Variants in PRKN observed in about 807,000 individuals in gnomAD.
PRKN encodes the protein E3 ubiquitin-protein ligase parkin.
In PRKN, 56 loss-of-function variants were observed where a neutral mutation model predicts 59.5. The ratio of observed to expected loss-of-function variants is 0.94; its 90% CI spans 0.76 to 1.18. PRKN has a LOEUF of 1.18. PRKN is among the 50% of genes most tolerant of loss of function. PRKN has a pLI of 0.00. For missense variants in PRKN, 657 were observed against 596.4 expected, an observed-to-expected ratio of 1.10 and a Z score of -1.06; for synonymous variants, 250 against 222.1, an observed-to-expected ratio of 1.13 and a Z score of -1.12.
intron 3 of PRKN, among the ~76,000 whole-genome samples, chr6:162,216,557 A>AG (rs1273386986): frequency 6.6e-6 from 1 of 150,960 alleles, no homozygotes; most frequent in Admixed American, 6.6e-5. Flanking sequence ...AAAAAAAAAA[A>AG]AAAAAAACCC....
chr6:162,413,328 T>C (rs1354150818), intron 2 of PRKN, among the ~76,000 whole-genome samples: 2 of 152,170 alleles, frequency 1.3e-5, no homozygotes, highest in Non-Finnish European at 2.9e-5. Context: ...TTTATGGAGC[T>C]ACAAGCATGA....
chr6:162,298,697 T>C (rs1781802460), intron 2 of PRKN, among the ~76,000 whole-genome samples: 1 of 144,474 alleles, frequency 6.9e-6, no homozygotes, highest in South Asian at 2.3e-4. Flanking sequence ...TTCACCTTGA[T>C]GAAAGCAGCA....
intron 6 of PRKN, among the ~76,000 whole-genome samples, chr6:161,789,552 G>C (rs1407462167): frequency 6.6e-6 from 1 of 152,128 alleles, no homozygotes; most frequent in Non-Finnish European, 1.5e-5. Context: ...CAAGACTAAA[G>C]ATCTCCAAGG....
chr6:162,126,446 C>T (rs1301303486), intron 4 of PRKN, among the ~76,000 whole-genome samples: 1 of 152,200 alleles, frequency 6.6e-6, no homozygotes, highest in Non-Finnish European at 1.5e-5. Flanking sequence ...AACCCTTCTT[C>T]ACTTAGTTTA....
chr6:162,319,198 G>A (rs1325709453), intron 2 of PRKN, among the ~76,000 whole-genome samples: 1 of 151,456 alleles, frequency 6.6e-6, no homozygotes, highest in African/African-American at 2.4e-5. Flanking sequence ...CTAGTAAATT[G>A]GTTCTGCTGT....
chr6:162,584,465 T>C (rs1041785607), intron 1 of PRKN, among the ~76,000 whole-genome samples: 4 of 152,012 alleles, frequency 2.6e-5, no homozygotes, highest in Non-Finnish European at 4.4e-5. Flanking sequence ...AATTTAAACA[T>C]AGCTGCTACT....
intron 6 of PRKN, among the ~76,000 whole-genome samples, chr6:161,874,956 T>C (rs1246961172): frequency 9.8e-6 from 1 of 102,206 alleles, no homozygotes; most frequent in Non-Finnish European, 1.6e-5. Flanking sequence ...ATAGGTACTT[T>C]ATATATAATA....
At chr6:162,014,266 C>G (rs940646713) in intron 5 of PRKN, among the ~76,000 whole-genome samples, 5 of 152,292 alleles carry the variant, frequency 3.3e-5, no homozygotes, top group African/African-American at 1.2e-4. Context: ...AGCTGCCCTC[C>G]CACATGGGAT....
intron 6 of PRKN, among the ~76,000 whole-genome samples, chr6:161,910,597 G>A (rs1192556259): frequency 6.6e-6 from 1 of 152,122 alleles, no homozygotes; most frequent in Non-Finnish European, 1.5e-5. Flanking sequence ...ATAAAGCAGT[G>A]GCTTTGACAG....
intron 6 of PRKN, among the ~76,000 whole-genome samples, chr6:161,940,733 G>C (rs1328022300): frequency 6.6e-6 from 1 of 152,168 alleles, no homozygotes; most frequent in African/African-American, 2.4e-5. Flanking sequence ...TGACTGTTCA[G>C]AAATCAGAAT....
At chr6:162,101,238 T>G (rs1253151398) in intron 4 of PRKN, among the ~76,000 whole-genome samples, 2 of 151,826 alleles carry the variant, frequency 1.3e-5, no homozygotes, top group African/African-American at 4.8e-5. Context: ...TTAATCCACT[T>G]TGGGTTGATT....
chr6:161,716,931 A>G (rs1787008009), intron 7 of PRKN, among the ~76,000 whole-genome samples: 1 of 152,218 alleles, frequency 6.6e-6, no homozygotes, highest in Non-Finnish European at 1.5e-5. Flanking sequence ...CCTGGTAACC[A>G]TAATTAGAGA....
intron 6 of PRKN, among the ~76,000 whole-genome samples, chr6:161,799,213 C>A (rs1370419352): frequency 6.6e-6 from 1 of 152,188 alleles, no homozygotes; most frequent in African/African-American, 2.4e-5. Context: ...AGGCTGTTGA[C>A]TCCACAAACA....
chr6:161,433,285 C>T (rs949437925), intron 9 of PRKN, among the ~76,000 whole-genome samples: 17 of 152,104 alleles, frequency 1.1e-4, no homozygotes, highest in African/African-American at 2.2e-4. Flanking sequence ...TATGCGTCCG[C>T]GGCATCTCAG....
At chr6:162,019,117 T>A (rs1783036551) in intron 5 of PRKN, among the ~76,000 whole-genome samples, 1 of 152,190 alleles carries the variant, frequency 6.6e-6, no homozygotes. Flanking sequence ...ACTATCAGAA[T>A]GAAACACTAG....
chr6:161,643,332 C>G (rs1046583829), intron 7 of PRKN, among the ~76,000 whole-genome samples: 1 of 152,072 alleles, frequency 6.6e-6, no homozygotes, highest in Non-Finnish European at 1.5e-5. Context: ...TGCTGAAGCT[C>G]TCTAGTCTCA....
At chr6:162,651,531 A>ACCT (rs1778431276) in intron 1 of PRKN, among the ~76,000 whole-genome samples, 1 of 152,062 alleles carries the variant, frequency 6.6e-6, no homozygotes. Context: ...ACCTGAAACA[A>ACCT]CCTCCTCCGT....
chr6:162,512,564 T>C lies in PRKN; in HGVS notation c.8-69091A>G, dbSNP rs961237443. 3.3e-5 allele frequency among the ~76,000 whole-genome samples: 5 copies of C among 152,348 alleles called. No homozygotes were observed. In the South Asian group the frequency reaches 8.3e-4, roughly 25 times the overall value. ...ACAATGTTCTTTGCAGTTATTGTTA[T>C]ACCTAGTGTCCGTCATAGGTGTTAC... On this transcript the variant is annotated intron_variant, in intron 1 of 11. Transcript: ENST00000366898.
At chr6:161,420,513 TC>T (rs1302886052) in intron 9 of PRKN, among the ~76,000 whole-genome samples, 1 of 151,520 alleles carries the variant, frequency 6.6e-6, no homozygotes, top group Admixed American at 6.6e-5. Context: ...TTCTTTTTTT[TC>T]TTTCTTTATT....
Sources: gnomAD v4.1 joint callset for allele counts (sites outside exome capture counted in the v4.1 genomes callset) on GRCh38, gnomAD v4.1.1 for gene constraint, MANE v1.5 for transcripts, NCBI Gene and HGNC (gene_info 2026-07-23, HGNC 2026-07-21) for gene names.